The following PFDN1 variants were observed in gnomAD, a reference collection of about 807,000 sequenced individuals.
PFDN1 encodes prefoldin 1.
Under a neutral mutation model 17.3 loss-of-function variants are expected in PFDN1, and 6 were observed. The observed-to-expected ratio is 0.35, with a 90% CI of 0.19 to 0.69. The LOEUF (loss-of-function observed/expected upper bound fraction) is 0.69. Among genes scored for constraint, PFDN1 ranks in the 30% least tolerant of loss-of-function variants. PFDN1 has a pLI of 0.65. For missense variants in PFDN1, 113 were observed against 146.2 expected (o/e 0.77, Z 1.17); for synonymous variants, 58 against 50.1 (o/e 1.16, Z -0.67).
chr5:140,299,558 C>T (rs1765708603), intron 2 of PFDN1, among the ~76,000 whole-genome samples: 1 of 150,362 alleles, frequency 6.7e-6, no homozygotes, highest in South Asian at 2.1e-4. Flanking sequence ...AATCACACCA[C>T]TGCACTCTAG....
At position 140,281,288 on chromosome 5, in the gene PFDN1, A is replaced by G. The variant is rs139686809; in HGVS notation, c.285+161T>C. Reference sequence around the variant, plus strand: ...TTTTTGTTTTGGTCTTATATGCGCTATGAATATGAATATGACAGCTTCACG... The same window carrying G: ...TTTTTGTTTTGGTCTTATATGCGCTGTGAATATGAATATGACAGCTTCACG... On this transcript the variant is annotated intron_variant, in intron 3 of 3. Transcript: ENST00000261813. The G allele has an allele frequency of 7.1e-5, 39 of 545,554 alleles. No homozygotes were observed. In the East Asian group the frequency reaches 1.2e-3, roughly 17 times the overall value. 33.8% of individuals were successfully genotyped at this position (545,554 alleles called of 1,614,324 possible).
chr5:140,282,879 C>A (rs998510987), intron 2 of PFDN1, among the ~76,000 whole-genome samples: 6 of 152,160 alleles, frequency 3.9e-5, no homozygotes, highest in Admixed American at 6.5e-5. Context: ...ATTAATTAAG[C>A]AAGATTTTTC....
At chr5:140,248,287 T>G (rs1764861768) in intron 3 of PFDN1, among the ~76,000 whole-genome samples, 1 of 152,080 alleles carries the variant, frequency 6.6e-6, no homozygotes, top group South Asian at 2.1e-4. Context: ...CAAGCTGGTC[T>G]CAAACTCCTG....
intron 3 of PFDN1, among the ~76,000 whole-genome samples, chr5:140,278,283 C>T (rs558867233): frequency 1.3e-5 from 2 of 148,736 alleles, no homozygotes; most frequent in Non-Finnish European, 3.0e-5. Context: ...AGACATACGC[C>T]CCAGTCAGGC....
Position 140,288,963 on chromosome 5 carries a change from C to T in PFDN1, c.201-7430G>A, listed in dbSNP as rs540323314. Among the ~76,000 whole-genome samples the T allele has an allele frequency of 2.6e-5, 4 of 151,510 alleles. No individual in the cohort carries two copies. The East Asian group carries it at 5.9e-4, about 22-fold the overall frequency. ...TCACACCACTGCACTCCAGCCTAGG[C>T]GACAGAGGGAGACTCTGTCTCAAAA... On this transcript the variant is annotated intron_variant, in intron 2 of 3. Transcript: ENST00000261813.
intron 3 of PFDN1, among the ~76,000 whole-genome samples, chr5:140,267,392 T>C (rs1304824748): frequency 6.6e-6 from 1 of 152,208 alleles, no homozygotes; most frequent in Non-Finnish European, 1.5e-5. Context: ...AAGACCACAG[T>C]TGCCTGGTTA....
At chr5:140,294,794 G>A (rs565553250) in intron 2 of PFDN1, among the ~76,000 whole-genome samples, 1 of 151,630 alleles carries the variant, frequency 6.6e-6, no homozygotes, top group African/African-American at 2.4e-5. Flanking sequence ...TCTTTCAACC[G>A]TTAGAGATCA....
chr5:140,259,724 G>A (rs1396804937), intron 3 of PFDN1, among the ~76,000 whole-genome samples: 1 of 152,198 alleles, frequency 6.6e-6, no homozygotes, highest in Non-Finnish European at 1.5e-5. Context: ...ATTCTTGGAA[G>A]TGGAGGTGTA....
At chr5:140,246,413 C>G (rs1024325110) in intron 3 of PFDN1, among the ~76,000 whole-genome samples, 6 of 152,232 alleles carry the variant, frequency 3.9e-5, no homozygotes, top group Non-Finnish European at 7.3e-5. Context: ...AGCTCCTGTC[C>G]GTAACAGACT....
At chr5:140,246,178 C>G (rs969064335) in intron 3 of PFDN1, 121 bp from the exon 4 acceptor site, 4 of 688,850 alleles carry the variant, frequency 5.8e-6, no homozygotes, top group Admixed American at 2.1e-5. Context: ...CAGGAGTATA[C>G]TGCAAGCCAG....
At chr5:140,265,986 T>C (rs1581086311) in intron 3 of PFDN1, among the ~76,000 whole-genome samples, 1 of 152,296 alleles carries the variant, frequency 6.6e-6, no homozygotes, top group South Asian at 2.1e-4. Flanking sequence ...TTGTCCACAC[T>C]ATTCCTTGAT....
chr5:140,249,502 T>C (rs1206183989), intron 3 of PFDN1, among the ~76,000 whole-genome samples: 1 of 152,190 alleles, frequency 6.6e-6, no homozygotes, highest in Non-Finnish European at 1.5e-5. Context: ...GTGGCAGGAT[T>C]GGTCCTGTGA....
chr5:140,248,806 A>G (rs1384957612), intron 3 of PFDN1, among the ~76,000 whole-genome samples: 1 of 152,212 alleles, frequency 6.6e-6, no homozygotes, highest in East Asian at 1.9e-4. Context: ...TAAAGTCTTC[A>G]GGTTTCCAAA....
chr5:140,294,827 T>A (rs1422827800), intron 2 of PFDN1, among the ~76,000 whole-genome samples: 1 of 152,036 alleles, frequency 6.6e-6, no homozygotes, highest in African/African-American at 2.4e-5. Context: ...CTTCAACAAG[T>A]AGAAATAGTA....
intron 3 of PFDN1, among the ~76,000 whole-genome samples, chr5:140,270,939 C>G (rs1239028831): frequency 1.3e-5 from 2 of 151,908 alleles, no homozygotes. Flanking sequence ...AAAAAAGAAC[C>G]AATCTATTTG....
At chr5:140,296,430 C>T (rs555458358) in intron 2 of PFDN1, among the ~76,000 whole-genome samples, 8 of 152,108 alleles carry the variant, frequency 5.3e-5, no homozygotes, top group Non-Finnish European at 1.2e-4. Context: ...TTAAACACAC[C>T]TACACACTCA....
At chr5:140,246,343 C>T (rs1306876399) in intron 3 of PFDN1, among the ~76,000 whole-genome samples, 2 of 152,214 alleles carry the variant, frequency 1.3e-5, no homozygotes, top group Admixed American at 6.5e-5. Flanking sequence ...CTCTAAAAAA[C>T]AGGCGTCTCA....
At chr5:140,287,411 T>C (rs2126696897) in intron 2 of PFDN1, among the ~76,000 whole-genome samples, 1 of 152,364 alleles carries the variant, frequency 6.6e-6, no homozygotes, top group East Asian at 1.9e-4. Flanking sequence ...ATACACATAT[T>C]ATCTATTGCT....
intron 3 of PFDN1, among the ~76,000 whole-genome samples, chr5:140,274,729 G>A (rs1765263452): frequency 6.6e-6 from 1 of 152,176 alleles, no homozygotes; most frequent in Admixed American, 6.5e-5. Flanking sequence ...GTAAAAAGAG[G>A]CAGAGCACAG....
Sources: gnomAD v4.1 joint callset for allele counts (sites outside exome capture counted in the v4.1 genomes callset) on GRCh38, gnomAD v4.1.1 for gene constraint, MANE v1.5 for transcripts, NCBI Gene and HGNC (gene_info 2026-07-23, HGNC 2026-07-21) for gene names.